Variants in BCL9 observed in about 807,000 individuals in gnomAD.
The protein encoded by BCL9 is B-cell CLL/lymphoma 9 protein.
A neutral mutation model predicts 88.5 loss-of-function variants in BCL9; 25 were observed. That is an observed-to-expected ratio of 0.28 (90% confidence interval 0.21 to 0.39). The LOEUF (loss-of-function observed/expected upper bound fraction) is 0.39. Among genes scored for constraint, BCL9 ranks in the 10% least tolerant of loss-of-function variants. The probability of loss-of-function intolerance (pLI) is 1.00; values close to 1 mark genes in which losing one functional copy is unlikely to be tolerated. For synonymous variants in BCL9, 711 were observed against 673.3 expected, an observed-to-expected ratio of 1.06 and a Z score of -0.87; for missense variants, 1,817 against 1,877.8, an observed-to-expected ratio of 0.97 and a Z score of 0.60.
At chr1:147,597,989 G>T (rs1657126945) in intron 1 of BCL9, among the ~76,000 whole-genome samples, 1 of 152,200 alleles carries the variant, frequency 6.6e-6, no homozygotes, top group East Asian at 1.9e-4. Flanking sequence ...TGAGCTTGCT[G>T]AGCAGAGGTG....
intron 1 of BCL9, among the ~76,000 whole-genome samples, chr1:147,579,570 A>G (rs1281829112): frequency 2.0e-5 from 3 of 152,206 alleles, no homozygotes; most frequent in Non-Finnish European, 4.4e-5. Context: ...GGACTTAGAC[A>G]TCAGAAACTG....
chr1:147,550,662 T>C (rs1238188909), intron 1 of BCL9, among the ~76,000 whole-genome samples: 2 of 152,216 alleles, frequency 1.3e-5, no homozygotes, highest in African/African-American at 4.8e-5. Context: ...TTAAACTCCA[T>C]AGGGAGCTTC....
At chr1:147,555,925 T>G (rs1342258824) in intron 1 of BCL9, among the ~76,000 whole-genome samples, 3 of 152,218 alleles carry the variant, frequency 2.0e-5, no homozygotes, top group Non-Finnish European at 4.4e-5. Flanking sequence ...TAAGTAAGCT[T>G]AATTAAATTA....
chr1:147,620,041 A>G lies in BCL9; in HGVS notation c.1886A>G (p.Glu629Gly), dbSNP rs782591892. ...TTCCCAAACCCCCAAGGATTGTCTG[A>G]AGAGATGTTTCAGCAGCAGCTGGCA... ...ERFPNPQGLS[E>G]EMFQQQLAEK... is the part of the protein sequence containing the mutation. Residue 629 changes from glutamate to glycine, a missense_variant, in exon 8 of 10, where the codon GAA becomes GGA. This residue lies in a region of BCL9 where 1,228 missense variants were observed against 1,191.6 expected (regional missense o/e 1.03). Coordinates refer to ENST00000234739, the MANE Select transcript of BCL9 (RefSeq NM_004326.4). The G allele has an allele frequency of 6.2e-7, 1 of 1,614,116 alleles. No individual in the cohort carries two copies. The highest frequency in any genetic ancestry group is 8.5e-7 in the Non-Finnish European group (1 of 1,180,016).
At chr1:147,568,897 C>A (rs1655735530) in intron 1 of BCL9, among the ~76,000 whole-genome samples, 1 of 152,168 alleles carries the variant, frequency 6.6e-6, no homozygotes, top group South Asian at 2.1e-4. Context: ...TTCAGTCAGT[C>A]ATTCCCTGAG....
chr1:147,615,882 G>T lies in BCL9; in HGVS notation c.640G>T (p.Glu214Ter). Residue 214 changes from glutamate to a stop codon, truncating the protein, a stop_gained, in exon 7 of 10, where the codon GAG (glutamate) becomes TAG (stop). Transcript: ENST00000234739. LOFTEE classifies it high-confidence loss of function. ...CCAGAACATTTCTAACAACAAGACA[G>T]AGAGAAGCACAGCGCCTCTGGTATG... is the stretch of plus-strand genomic sequence containing the variant. ...HIQNISNNKT[E>*]RSTAPLNTQI... The T allele has an allele frequency of 6.2e-7, 1 of 1,613,908 alleles. No individual in the cohort carries two copies. The highest frequency in any genetic ancestry group is 8.5e-7 in the Non-Finnish European group (1 of 1,179,778).
In BCL9 at chr1:147,625,718, C is replaced by G. The variant is rs1354553382; in HGVS notation, c.*759C>G. ...CTGGCACATTTTTCTCTTGTTTTCT[C>G]TCTCCGATTTTGCTCTGTCTCCTCA... On this transcript the variant is annotated 3_prime_UTR_variant, in exon 10 of 10. Coordinates refer to ENST00000234739, the MANE Select transcript of BCL9 (RefSeq NM_004326.4). The G allele has an allele frequency of 2.1e-5, 5 of 233,146 alleles. No individual in the cohort carries two copies. Among genetic ancestry groups the G allele is most frequent in the Admixed American group, 1.1e-4 (2 of 17,756 alleles). 14.4% of individuals were successfully genotyped at this position (233,146 alleles called of 1,614,324 possible).
At chr1:147,549,574 A>T (rs1303450822) in intron 1 of BCL9, among the ~76,000 whole-genome samples, 1 of 152,196 alleles carries the variant, frequency 6.6e-6, no homozygotes, top group Non-Finnish European at 1.5e-5. Flanking sequence ...AGTTGTGACC[A>T]TCTGAAACAA....
At chr1:147,607,266 T>A (rs1657766241) in intron 3 of BCL9, among the ~76,000 whole-genome samples, 1 of 152,240 alleles carries the variant, frequency 6.6e-6, no homozygotes. Context: ...CCCGTCTTAG[T>A]TACTGTAAAT....
At chr1:147,579,072 G>T (rs587774316) in intron 1 of BCL9, among the ~76,000 whole-genome samples, 1 of 152,176 alleles carries the variant, frequency 6.6e-6, no homozygotes, top group South Asian at 2.1e-4. Flanking sequence ...TGCCATGTTG[G>T]CCAGGCTGGT....
chr1:147,580,955 T>G (rs1334521818), intron 1 of BCL9, among the ~76,000 whole-genome samples: 1 of 152,196 alleles, frequency 6.6e-6, no homozygotes, highest in Non-Finnish European at 1.5e-5. Flanking sequence ...ATTGCCCAAC[T>G]ATGACCTGAA....
intron 1 of BCL9, among the ~76,000 whole-genome samples, chr1:147,598,289 T>C (rs1657141669): frequency 6.6e-6 from 1 of 152,240 alleles, no homozygotes; most frequent in Non-Finnish European, 1.5e-5. Flanking sequence ...AATTCTTCAA[T>C]TGATCTTGAT....
intron 1 of BCL9, among the ~76,000 whole-genome samples, chr1:147,567,168 C>A (rs913365688): frequency 1.3e-5 from 2 of 152,134 alleles, no homozygotes; most frequent in African/African-American, 4.8e-5. Context: ...CCCTTCCCAA[C>A]CCTCCTTCTG....
At position 147,618,970 on chromosome 1, in the gene BCL9, G is replaced by C; in HGVS notation, c.815G>C (p.Arg272Pro). 6.2e-7 allele frequency: 1 copy of C among 1,613,440 alleles called. No homozygotes were observed. The highest frequency in any genetic ancestry group is 8.5e-7 in the Non-Finnish European group (1 of 1,179,698). ...APAPKPAAPPRPLDRESPGVE... is the reference protein window; with the variant it reads ...APAPKPAAPPPPLDRESPGVE... ...GCACCCAAGCCTGCCGCACCCCCACGTCCCCTGGACCGGGAGAGTCCTGGG... is the reference window on the plus strand; with the variant it reads ...GCACCCAAGCCTGCCGCACCCCCACCTCCCCTGGACCGGGAGAGTCCTGGG... Residue 272 changes from arginine to proline, a missense_variant, in exon 8 of 10, where the codon CGT becomes CCT. Transcript: ENST00000234739.
At chr1:147,584,417 C>T (rs1044853710) in intron 1 of BCL9, among the ~76,000 whole-genome samples, 2 of 152,176 alleles carry the variant, frequency 1.3e-5, no homozygotes, top group African/African-American at 4.8e-5. Context: ...CCTACAGAAC[C>T]TCTGGAATTA....
In BCL9 at chr1:147,620,329, A is replaced by C. The variant is rs138771044; in HGVS notation, c.2174A>C (p.Asn725Thr). 23 of 1,614,210 alleles carry C rather than the reference A, an allele frequency of 1.4e-5. No homozygotes were observed. The South Asian group carries it at 2.3e-4, about 16-fold the overall frequency. ...AAGGGAGATGTCAATCTAAATGTCA[A>C]CATGGGATCCAACTCTCAGATGATA... ...GMKGDVNLNV[N>T]MGSNSQMIPQ... Residue 725 changes from asparagine to threonine, a missense_variant, in exon 8 of 10, where the codon AAC (asparagine) becomes ACC (threonine). This residue lies in a region of BCL9 where 1,228 missense variants were observed against 1,191.6 expected (regional missense o/e 1.03). Transcript: ENST00000234739.
At position 147,624,939 on chromosome 1, in the gene BCL9, C is replaced by G; in HGVS notation, c.4261C>G (p.Pro1421Ala). 1 of 1,608,978 alleles carries G rather than the reference C, an allele frequency of 6.2e-7. No individual in the cohort carries two copies. The highest frequency in any genetic ancestry group is 1.1e-5 in the South Asian group (1 of 90,992). ...MGGFSQGPGN[P>A]GNMMF ...TGGATTTAGCCAAGGACCTGGCAAC[C>G]CAGGAAACATGATGTTTTAAGCTGC... Residue 1421 changes from proline (P) to alanine (A), a missense_variant, in exon 10 of 10, where the codon CCA becomes GCA. Pro to Ala is a conservative substitution (Grantham distance 27). Around this residue, in one of 2 missense-constraint regions of BCL9, gnomAD observed 589 missense variants for 686.2 expected, o/e 0.86. Transcript: ENST00000234739. The surrounding 1 kb of genome is among the most constrained non-coding windows in gnomAD (Gnocchi z 4.4).
At chr1:147,600,210 CCGCCGGGGG>C (rs1426420931) in intron 1 of BCL9, 2 of 162,010 alleles carry the variant, frequency 1.2e-5, no homozygotes, top group African/African-American at 4.8e-5. Flanking sequence ...GCCGCTGCCG[CCGCCGGGGG>C]GAGACGCTGC....
intron 1 of BCL9, among the ~76,000 whole-genome samples, chr1:147,561,653 C>T (rs1336510473): frequency 6.6e-6 from 1 of 152,198 alleles, no homozygotes; most frequent in Non-Finnish European, 1.5e-5. Context: ...CTGCTAGGAA[C>T]TTAATAGGCA....
Sources: gnomAD v4.1 joint callset for allele counts (sites outside exome capture counted in the v4.1 genomes callset) on GRCh38, gnomAD v4.1.1 for gene constraint, gnomAD v4.1.1 regional missense constraint, Gnocchi (gnomAD v3.1) non-coding constraint, MANE v1.5 for transcripts, NCBI Gene and HGNC (gene_info 2026-07-23, HGNC 2026-07-21) for gene names.